The following PFKFB3 variants were observed in gnomAD, a reference collection of about 807,000 sequenced individuals.
PFKFB3 encodes the protein 6-phosphofructo-2-kinase/fructose-2,6-biphosphatase 3.
A neutral mutation model predicts 68.0 loss-of-function variants in PFKFB3; 33 were observed. That is an observed-to-expected ratio of 0.49 (90% confidence interval 0.37 to 0.65). The LOEUF (loss-of-function observed/expected upper bound fraction) is 0.65, where lower values mean the gene tolerates loss of function less well. Ranked by LOEUF, PFKFB3 falls within the 30% of genes least tolerant of loss-of-function variation. PFKFB3 has a pLI of 0.00. For synonymous variants in PFKFB3, 315 were observed against 288.2 expected (o/e 1.09, Z -0.94); for missense variants, 586 against 712.2 (o/e 0.82, Z 2.02).
At chr10:6,294,242 G>T in the PFKFB3 span, 1 of 530,312 alleles carries the variant, frequency 1.9e-6, no homozygotes, top group South Asian at 1.4e-5. Context: ...TTGCTGGGTT[G>T]GCAGGGTTTG....
intron 1 of PFKFB3, among the ~76,000 whole-genome samples, chr10:6,173,083 C>G (rs146255843): frequency 6.6e-6 from 1 of 152,210 alleles, no homozygotes; most frequent in Non-Finnish European, 1.5e-5. Context: ...CGTCCACTCT[C>G]TCTCAGTTCT....
At chr10:6,308,655 A>G in the PFKFB3 span, among the ~76,000 whole-genome samples, 1 of 152,230 alleles carries the variant, frequency 6.6e-6, no homozygotes, top group Non-Finnish European at 1.5e-5. Context: ...TTTTAAAAAA[A>G]ACATTTGCTG....
At chr10:6,284,914 A>AT in the PFKFB3 span, among the ~76,000 whole-genome samples, 1 of 152,104 alleles carries the variant, frequency 6.6e-6, no homozygotes, top group African/African-American at 2.4e-5. Context: ...ATAAATCAGG[A>AT]TTTTTTCCCA....
intron 1 of PFKFB3, among the ~76,000 whole-genome samples, chr10:6,161,635 T>G (rs953852340): frequency 1.2e-3 from 98 of 80,614 alleles, no homozygotes; most frequent in African/African-American, 2.4e-3. Context: ...CATATATATA[T>G]ATAGAGAGAG....
At chr10:6,276,224 A>G in the PFKFB3 span, among the ~76,000 whole-genome samples, 2 of 152,280 alleles carry the variant, frequency 1.3e-5, no homozygotes, top group Non-Finnish European at 2.9e-5. Context: ...TGCTATAGAA[A>G]TAGGATAACA....
intron 1 of PFKFB3, among the ~76,000 whole-genome samples, chr10:6,156,485 AAATT>A (rs55858641): frequency 0.028 from 4,193 of 149,316 alleles, 123 homozygotes; most frequent in African/African-American, 0.075. Context: ...ACTTTAAATT[AAATT>A]AATTAATTAA....
intron 11 of PFKFB3, 35 bp from the exon 12 acceptor site, chr10:6,223,923 C>T (rs760768877): frequency 6.3e-7 from 1 of 1,597,538 alleles, no homozygotes; most frequent in Non-Finnish European, 8.6e-7. Context: ...GGCCGTGTCT[C>T]ATTTCTAACT....
the PFKFB3 span, among the ~76,000 whole-genome samples, chr10:6,321,299 G>A: frequency 4.6e-5 from 7 of 151,874 alleles, no homozygotes; most frequent in South Asian, 6.3e-4. Flanking sequence ...CTGTGTCCTC[G>A]TCACCTAGTA....
the PFKFB3 span, among the ~76,000 whole-genome samples, chr10:6,302,749 T>TACACACACACAC: frequency 6.9e-6 from 1 of 145,736 alleles, no homozygotes; most frequent in African/African-American, 2.5e-5. Context: ...TGTGTGTGTA[T>TACACACACACAC]ACACACACAC....
chr10:6,186,823 G>A (rs1842878694), intron 1 of PFKFB3, among the ~76,000 whole-genome samples: 1 of 152,118 alleles, frequency 6.6e-6, no homozygotes. Flanking sequence ...TGTAATAAAA[G>A]GCTATGTTTT....
the PFKFB3 span, among the ~76,000 whole-genome samples, chr10:6,315,078 C>T: frequency 2.0e-5 from 3 of 152,176 alleles, no homozygotes; most frequent in Non-Finnish European, 4.4e-5. Context: ...AAGTGGCATT[C>T]ACCAGACCCA....
the PFKFB3 span, chr10:6,293,756 A>G: frequency 2.9e-6 from 1 of 341,364 alleles, no homozygotes; most frequent in South Asian, 3.3e-5. Flanking sequence ...TTCTCTTGAA[A>G]AGCCTGTTTG....
At position 6,154,876 on chromosome 10, in the gene PFKFB3, C is replaced by T. The variant is rs60080851; in HGVS notation, c.16+9863C>T. Among the ~76,000 whole-genome samples, 14,935 of 152,202 alleles carry T rather than the reference C, an allele frequency of 0.098. 917 individuals carry two copies. Among genetic ancestry groups the T allele is most frequent in the Middle Eastern group, 0.14 (40 of 294 alleles). On this transcript the variant is annotated intron_variant, in intron 1 of 14. Coordinates refer to the PFKFB3 transcript ENST00000379789. This position sits in a 1 kb window ranked among gnomAD's most constrained non-coding sequence, Gnocchi z 4.6. ...GGGTTGTAGTGAGCTGCGGGGAGCC[C>T]GCACTGCCACAGCAGCTGCACCTCC... is the stretch of plus-strand genomic sequence containing the variant.
the PFKFB3 span, among the ~76,000 whole-genome samples, chr10:6,289,507 A>T: frequency 2.6e-5 from 4 of 152,116 alleles, no homozygotes; most frequent in African/African-American, 9.7e-5. Context: ...CAAAGATCAG[A>T]TAGTTGTAGA....
Position 6,224,139 on chromosome 10 carries a change from C to T in PFKFB3, c.1277-10C>T, listed in dbSNP as rs375470233. 151 of 1,614,086 alleles carry T rather than the reference C, an allele frequency of 9.4e-5. No individual in the cohort carries two copies. Among genetic ancestry groups the T allele is most frequent in the Non-Finnish European group, 1.2e-4 (144 of 1,179,998 alleles). On this transcript the variant is annotated splice_polypyrimidine_tract_variant and intron_variant, in intron 12 of 14. Coordinates refer to ENST00000379775, the MANE Select transcript of PFKFB3 (RefSeq NM_004566.4). ...AGCAGCTTCCTCTGCCCCCATCCCA[C>T]GCCCTCCAGGCTGCCGTGTGGAATC...
the PFKFB3 span, among the ~76,000 whole-genome samples, chr10:6,319,553 T>C: frequency 6.6e-6 from 1 of 152,160 alleles, no homozygotes; most frequent in Non-Finnish European, 1.5e-5. Flanking sequence ...GGGTGCAATA[T>C]TCACCATTTG....
intron 1 of PFKFB3, among the ~76,000 whole-genome samples, chr10:6,191,580 C>T (rs1046051345): frequency 6.6e-6 from 1 of 152,332 alleles, no homozygotes; most frequent in African/African-American, 2.4e-5. Context: ...GGCTCGGGCC[C>T]CCCCTAGAAT....
chr10:6,290,473 C>G, the PFKFB3 span, among the ~76,000 whole-genome samples: 2 of 149,438 alleles, frequency 1.3e-5, no homozygotes, highest in African/African-American at 4.9e-5. Context: ...CTTCTGGCTT[C>G]TTTCAAGATT....
chr10:6,310,878 T>C, the PFKFB3 span, among the ~76,000 whole-genome samples: 3 of 152,336 alleles, frequency 2.0e-5, no homozygotes, highest in East Asian at 3.9e-4. Context: ...TCTACCCTAA[T>C]AGTATATCTG....
Sources: allele counts gnomAD v4.1 joint callset (sites outside exome capture counted in the v4.1 genomes callset), GRCh38; gene constraint gnomAD v4.1.1; non-coding constraint Gnocchi (gnomAD v3.1); transcripts MANE v1.5; gene names NCBI Gene and HGNC (gene_info 2026-07-23, HGNC 2026-07-21).